The following L3MBTL3 variants were observed in gnomAD, a reference collection of about 807,000 sequenced individuals.
L3MBTL3 encodes the protein L3MBTL histone methyl-lysine binding protein 3.
Under a neutral mutation model 102.3 loss-of-function variants are expected in L3MBTL3, and 27 were observed. That is an observed-to-expected ratio of 0.26 (90% CI 0.19 to 0.36). The LOEUF (loss-of-function observed/expected upper bound fraction) is 0.36, where lower values mean the gene tolerates loss of function less well. Ranked by LOEUF, L3MBTL3 falls within the 10% of genes least tolerant of loss-of-function variation. L3MBTL3 has a pLI of 1.00. For missense variants in L3MBTL3, 798 were observed against 955.3 expected (o/e 0.84, Z 2.17); for synonymous variants, 340 against 320.9 (o/e 1.06, Z -0.64).
chr6:130,076,300 A>G (rs1201776177), intron 13 of L3MBTL3, among the ~76,000 whole-genome samples: 2 of 152,170 alleles, frequency 1.3e-5, no homozygotes, highest in African/African-American at 4.8e-5. Context: ...AGAGCCCAGC[A>G]TGTGTGCATT....
intron 2 of L3MBTL3, among the ~76,000 whole-genome samples, chr6:130,027,479 G>A (rs1393186848): frequency 6.6e-6 from 1 of 152,134 alleles, no homozygotes; most frequent in Non-Finnish European, 1.5e-5. Flanking sequence ...ATCTGGTCTG[G>A]TTGTTAAATG....
chr6:130,084,869 G>T (rs926006741), intron 15 of L3MBTL3, among the ~76,000 whole-genome samples: 2 of 152,048 alleles, frequency 1.3e-5, no homozygotes, highest in African/African-American at 4.8e-5. Context: ...TTGCTTTGTT[G>T]CCCAGGCTGG....
At chr6:130,131,078 GAT>G (rs1237693851) in intron 20 of L3MBTL3, among the ~76,000 whole-genome samples, 2 of 152,090 alleles carry the variant, frequency 1.3e-5, no homozygotes, top group African/African-American at 4.8e-5. Flanking sequence ...ATTAATGAGA[GAT>G]ATTAAAGAAG....
intron 18 of L3MBTL3, among the ~76,000 whole-genome samples, chr6:130,103,541 A>T (rs1237092359): frequency 6.6e-6 from 1 of 152,190 alleles, no homozygotes; most frequent in African/African-American, 2.4e-5. Flanking sequence ...GAAGATTCTG[A>T]TGTAATTTAC....
At chr6:130,130,431 G>C (rs1413776888) in intron 20 of L3MBTL3, among the ~76,000 whole-genome samples, 1 of 152,156 alleles carries the variant, frequency 6.6e-6, no homozygotes, top group Non-Finnish European at 1.5e-5. Context: ...TGGTATTACT[G>C]TAGTGTAGAA....
rs776367295 is a variant in L3MBTL3 at position 130,133,920 on chromosome 6, A to G, written c.2199+15A>G. On this transcript the variant is annotated intron_variant, in intron 22 of 22. Transcript: ENST00000361794. This position sits in a 1 kb window ranked among gnomAD's most constrained non-coding sequence, Gnocchi z 4.9. ...TTAAAGATGAAGTAAGTATTCCACT[A>G]AATTGCAATATGTTACTTAATGGGA... 46 of 1,584,930 alleles carry G rather than the reference A, an allele frequency of 2.9e-5. No homozygotes were observed. Among genetic ancestry groups the G allele is most frequent in the Admixed American group, 1.5e-4 (9 of 59,968 alleles).
Position 130,051,651 on chromosome 6 carries a change from A to G in L3MBTL3, c.449+243A>G, listed in dbSNP as rs931610030. On this transcript the variant is annotated intron_variant, in intron 6 of 22. Transcript: ENST00000361794. ...CAAAACAGCCTCTGCCTCTGCCTTC[A>G]GTCTTCCATTTCCATTCATTTGATT... 2.6e-5 allele frequency among the ~76,000 whole-genome samples: 4 copies of G among 152,306 alleles called. No homozygotes were observed. The East Asian group carries it at 7.7e-4, about 29-fold the overall frequency.
chr6:130,085,413 C>T (rs1783622009), intron 15 of L3MBTL3, among the ~76,000 whole-genome samples: 1 of 152,140 alleles, frequency 6.6e-6, no homozygotes, highest in South Asian at 2.1e-4. Flanking sequence ...TCATCTCAGC[C>T]ACTTTAATAT....
At chr6:130,035,683 C>T (rs1780014003) in intron 2 of L3MBTL3, among the ~76,000 whole-genome samples, 1 of 152,162 alleles carries the variant, frequency 6.6e-6, no homozygotes, top group South Asian at 2.1e-4. Context: ...TGGTTGCAGC[C>T]ATGGTCAGCC....
At chr6:130,112,279 C>T (rs1785400250) in intron 19 of L3MBTL3, among the ~76,000 whole-genome samples, 2 of 152,322 alleles carry the variant, frequency 1.3e-5, no homozygotes, top group South Asian at 4.1e-4. Flanking sequence ...CCTGAGCACA[C>T]TCCCTTGCGT....
In L3MBTL3 at chr6:130,048,724, G is replaced by T. The variant is rs543254304; in HGVS notation, c.103-558G>T. ...AAGAAAGAGGAAATGTGGCACTGGG[G>T]TTATGTGGTTCAGGCTTCAGCCTTC... On this transcript the variant is annotated intron_variant, in intron 3 of 22. Transcript: ENST00000361794. 9.2e-5 allele frequency among the ~76,000 whole-genome samples: 14 copies of T among 152,200 alleles called. No individual in the cohort carries two copies. The East Asian group carries it at 2.5e-3, about 27-fold the overall frequency.
chr6:130,094,436 C>A, intron 18 of L3MBTL3, 69 bp downstream of exon 18: 1 of 902,006 alleles, frequency 1.1e-6, no homozygotes, highest in Non-Finnish European at 1.7e-6. Flanking sequence ...TAATGAATTT[C>A]ATATATACTA....
intron 2 of L3MBTL3, among the ~76,000 whole-genome samples, chr6:130,034,219 T>C (rs1779904796): frequency 6.6e-6 from 1 of 152,200 alleles, no homozygotes; most frequent in African/African-American, 2.4e-5. Context: ...ACACAAACTG[T>C]TTATCTCTAG....
chr6:130,081,249 T>C lies in L3MBTL3; in HGVS notation c.1322-2371T>C, dbSNP rs1413449428. On this transcript the variant is annotated intron_variant, in intron 14 of 22. Coordinates refer to ENST00000361794, the MANE Select transcript of L3MBTL3 (RefSeq NM_032438.4). Reference sequence around the variant, plus strand: ...TTAATATTTTAATGGTTTGTCCTTATGTGTTTCCAGGAAAGCATTTTTGCC... The same window carrying C: ...TTAATATTTTAATGGTTTGTCCTTACGTGTTTCCAGGAAAGCATTTTTGCC... Among the ~76,000 whole-genome samples the C allele has an allele frequency of 3.9e-5, 6 of 152,240 alleles. No homozygotes were observed. In the South Asian group the frequency reaches 6.2e-4, roughly 16 times the overall value.
intron 22 of L3MBTL3, chr6:130,138,439 CTT>C: frequency 6.6e-6 from 1 of 152,388 alleles, no homozygotes; most frequent in Middle Eastern, 3.4e-3. Flanking sequence ...GGTGGTCTCT[CTT>C]TGGGTCTTTA....
intron 1 of L3MBTL3, among the ~76,000 whole-genome samples, chr6:130,020,860 C>T (rs911813820): frequency 2.6e-5 from 4 of 151,208 alleles, no homozygotes; most frequent in East Asian, 1.9e-4. Flanking sequence ...CATCCCTTGG[C>T]CCGCTTCTCC....
In L3MBTL3 at chr6:130,082,160, G is replaced by C. The variant is rs377669637; in HGVS notation, c.1322-1460G>C. Among the ~76,000 whole-genome samples the C allele has an allele frequency of 5.0e-4, 76 of 152,190 alleles. 1 individual carries two copies. The highest frequency in any genetic ancestry group is 1.8e-3 in the African/African-American group (74 of 41,520). ...GATCAAGATGGTGTTTGCTAGGTTT[G>C]TCTACTAATGGAGTTATTTTTTCTC... On this transcript the variant is annotated intron_variant, in intron 14 of 22. Coordinates refer to ENST00000361794, the MANE Select transcript of L3MBTL3 (RefSeq NM_032438.4).
chr6:130,103,822 G>C (rs1325511862), intron 18 of L3MBTL3, among the ~76,000 whole-genome samples: 1 of 152,212 alleles, frequency 6.6e-6, no homozygotes, highest in Non-Finnish European at 1.5e-5. Context: ...TGAGCTCTGT[G>C]CATCATTATC....
At chr6:130,049,573 T>A in intron 4 of L3MBTL3, 180 bp downstream of exon 4, 1 of 694,262 alleles carries the variant, frequency 1.4e-6, no homozygotes, top group Non-Finnish European at 2.3e-6. Context: ...AAAATAACTA[T>A]AAACTGTCTT....
Sources: gnomAD v4.1 joint callset for allele counts (sites outside exome capture counted in the v4.1 genomes callset) on GRCh38, gnomAD v4.1.1 for gene constraint, Gnocchi (gnomAD v3.1) non-coding constraint, MANE v1.5 for transcripts, NCBI Gene and HGNC (gene_info 2026-07-23, HGNC 2026-07-21) for gene names.